The following RALYL variants were observed in gnomAD, a reference collection of about 807,000 sequenced individuals.
RALYL encodes RALY RNA binding protein like.
A neutral mutation model predicts 35.1 loss-of-function variants in RALYL; 29 were observed. The observed-to-expected ratio is 0.83, with a 90% CI of 0.61 to 1.13. RALYL has a LOEUF of 1.13. Among genes scored for constraint, RALYL ranks in the 50% most tolerant of loss-of-function variants. The probability of loss-of-function intolerance (pLI) is 0.00; values close to 1 mark genes in which losing one functional copy is unlikely to be tolerated. For synonymous variants in RALYL, 120 were observed against 127.6 expected (o/e 0.94, Z 0.40); for missense variants, 359 against 360.4 (o/e 1.00, Z 0.03).
At chr8:84,537,031 C>G (rs1250594876) in intron 2 of RALYL, among the ~76,000 whole-genome samples, 1 of 151,572 alleles carries the variant, frequency 6.6e-6, no homozygotes, top group Non-Finnish European at 1.5e-5. Context: ...ACAGATTATG[C>G]AAAGTAGTTC....
intron 1 of RALYL, among the ~76,000 whole-genome samples, chr8:84,357,737 T>A (rs1285094705): frequency 7.3e-6 from 1 of 136,348 alleles, no homozygotes; most frequent in Non-Finnish European, 1.6e-5. Context: ...TTTTCCTTAT[T>A]CATTCTAATT....
In RALYL at chr8:84,277,995, G is replaced by A. The variant is rs571339841; in HGVS notation, c.-24+93571G>A. 2.0e-5 allele frequency among the ~76,000 whole-genome samples: 3 copies of A among 152,316 alleles called. No homozygotes were observed. In the South Asian group the frequency reaches 6.2e-4, roughly 32 times the overall value. ...GGAGGATGGTGGCCATCTTCTCACA[G>A]CTCCACTAGGCAGTGCCCCAGAGGG... On this transcript the variant is annotated intron_variant, in intron 1 of 8. Transcript: ENST00000521268.
chr8:84,654,430 T>C (rs1395130672), intron 2 of RALYL, among the ~76,000 whole-genome samples: 1 of 151,314 alleles, frequency 6.6e-6, no homozygotes, highest in Non-Finnish European at 1.5e-5. Context: ...CATTTTATTG[T>C]ATTACAAACA....
intron 2 of RALYL, among the ~76,000 whole-genome samples, chr8:84,553,832 A>G (rs1564134845): frequency 6.6e-6 from 1 of 152,174 alleles, no homozygotes; most frequent in South Asian, 2.1e-4. Context: ...TCTTACGTGT[A>G]TATCTATGTT....
chr8:84,403,524 G>GTTTTTTTTTTTTTTTTTTTTT (rs769845435), intron 1 of RALYL, among the ~76,000 whole-genome samples: 1 of 39,426 alleles, frequency 2.5e-5, no homozygotes, highest in African/African-American at 6.9e-5. Context: ...CTATATCTCT[G>GTTTTTTTTTTTTTTTTTTTTT]TTTTTTTTTT....
chr8:84,490,408 A>G (rs2055154093), intron 1 of RALYL, among the ~76,000 whole-genome samples: 1 of 152,008 alleles, frequency 6.6e-6, no homozygotes, highest in South Asian at 2.1e-4. Context: ...AAGAATATGC[A>G]GAAGAAAAGA....
intron 1 of RALYL, among the ~76,000 whole-genome samples, chr8:84,223,571 A>G (rs1823060649): frequency 6.6e-6 from 1 of 151,862 alleles, no homozygotes; most frequent in Non-Finnish European, 1.5e-5. Flanking sequence ...TGATTGACCC[A>G]TGAGTTGGTT....
intron 1 of RALYL, among the ~76,000 whole-genome samples, chr8:84,479,478 A>G (rs917033017): frequency 6.6e-6 from 1 of 152,198 alleles, no homozygotes; most frequent in African/African-American, 2.4e-5. Flanking sequence ...GGATTAAAAT[A>G]GTGCCTGAAA....
chr8:84,709,193 G>A (rs777265689), intron 2 of RALYL, among the ~76,000 whole-genome samples: 4 of 152,048 alleles, frequency 2.6e-5, no homozygotes, highest in Non-Finnish European at 5.9e-5. Flanking sequence ...AAAGTGTTCT[G>A]TAGGGTACCT....
rs140126332 is a variant in RALYL, at chr8:84,554,738, C to T, written c.256+25161C>T. ...TCGAATTCCCATTTCAGCAGGTCCT[C>T]ACATTCAACAGTGCCTCGTCTCTTA... On this transcript the variant is annotated intron_variant, in intron 2 of 8. Transcript: ENST00000521268. Among the ~76,000 whole-genome samples the T allele has an allele frequency of 2.9e-3, 437 of 152,254 alleles. 3 individuals carry two copies. Among genetic ancestry groups the T allele is most frequent in the African/African-American group, 0.01 (426 of 41,542 alleles).
intron 3 of RALYL, among the ~76,000 whole-genome samples, chr8:84,797,518 T>C (rs888667232): frequency 5.9e-5 from 9 of 152,186 alleles, no homozygotes; most frequent in African/African-American, 1.9e-4. Flanking sequence ...TTTGCGGAAG[T>C]GTGGTGGGGA....
chr8:84,228,662 A>G (rs1428819835), intron 1 of RALYL, among the ~76,000 whole-genome samples: 1 of 152,194 alleles, frequency 6.6e-6, no homozygotes, highest in Non-Finnish European at 1.5e-5. Flanking sequence ...GTCTGGTCTC[A>G]TAATGCTATG....
intron 1 of RALYL, among the ~76,000 whole-genome samples, chr8:84,361,159 G>A (rs752207500): frequency 5.3e-5 from 8 of 152,076 alleles, no homozygotes; most frequent in Non-Finnish European, 8.8e-5. Context: ...AATTTAGTGT[G>A]ATTTGAAAAT....
intron 2 of RALYL, among the ~76,000 whole-genome samples, chr8:84,773,168 A>C (rs1045699937): frequency 1.3e-5 from 2 of 152,174 alleles, no homozygotes; most frequent in Non-Finnish European, 2.9e-5. Flanking sequence ...AAGTATCTTT[A>C]AGGAACAAGC....
intron 2 of RALYL, among the ~76,000 whole-genome samples, chr8:84,564,706 G>A (rs2061669488): frequency 6.6e-6 from 1 of 151,520 alleles, no homozygotes; most frequent in Admixed American, 6.6e-5. Flanking sequence ...ATTATTGTCT[G>A]AACACCAGAA....
chr8:84,776,219 T>G (rs185714414), intron 3 of RALYL, among the ~76,000 whole-genome samples: 276 of 152,318 alleles, frequency 1.8e-3, no homozygotes, highest in Admixed American at 6.7e-3. Flanking sequence ...TTTCAGCCAC[T>G]TATAGCCTCA....
chr8:84,495,358 C>A (rs1255763902), intron 1 of RALYL, among the ~76,000 whole-genome samples: 1 of 151,892 alleles, frequency 6.6e-6, no homozygotes, highest in South Asian at 2.1e-4. Flanking sequence ...TGTCAGAGGG[C>A]GTAAAATACT....
At chr8:84,698,193 G>A (rs553779516) in intron 2 of RALYL, among the ~76,000 whole-genome samples, 1 of 152,136 alleles carries the variant, frequency 6.6e-6, no homozygotes, top group South Asian at 2.1e-4. Context: ...TGTAGGATGA[G>A]GACTCCTACC....
At chr8:84,590,308 C>A (rs1812952214) in intron 2 of RALYL, among the ~76,000 whole-genome samples, 1 of 152,142 alleles carries the variant, frequency 6.6e-6, no homozygotes, top group Admixed American at 6.5e-5. Flanking sequence ...TCAGTAATTT[C>A]TACAGGATAT....
Sources: allele counts gnomAD v4.1 joint callset (sites outside exome capture counted in the v4.1 genomes callset), GRCh38; gene constraint gnomAD v4.1.1; transcripts MANE v1.5; gene names NCBI Gene and HGNC (gene_info 2026-07-23, HGNC 2026-07-21).